The following LIG1 variants were observed in gnomAD, a reference collection of about 807,000 sequenced individuals.
The protein encoded by LIG1 is DNA ligase 1, also known as ligase I, DNA, ATP-dependent.
In LIG1, 70 loss-of-function variants were observed where a neutral mutation model predicts 115.7. The observed-to-expected ratio is 0.60, with a 90% CI of 0.50 to 0.74. The LOEUF (loss-of-function observed/expected upper bound fraction) is 0.74, where lower values mean the gene tolerates loss of function less well. Ranked by LOEUF, LIG1 falls within the 30% of genes least tolerant of loss-of-function variation. The pLI is 0.00. For missense variants in LIG1, 1,115 were observed against 1,225.6 expected (o/e 0.91, Z 1.35); for synonymous variants, 487 against 495.3 (o/e 0.98, Z 0.22).
Position 48,122,245 on chromosome 19 carries a change from A to G in LIG1, c.2232+689T>C, listed in dbSNP as rs1313993173. On this transcript the variant is annotated intron_variant, in intron 23 of 27. Transcript: ENST00000263274. This position sits in a 1 kb window ranked among gnomAD's most constrained non-coding sequence, Gnocchi z 4.3. Reference sequence around the variant, plus strand: ...CTGGCCCTCAACACACCCGTCCTCCACTCGAGGGGAAACCCCAGGAGCTTC... The same window carrying G: ...CTGGCCCTCAACACACCCGTCCTCCGCTCGAGGGGAAACCCCAGGAGCTTC... 6.5e-6 allele frequency: 1 copy of G among 155,018 alleles called. No individual in the cohort carries two copies. The highest frequency in any genetic ancestry group is 2.4e-5 in the African/African-American group (1 of 41,306). The allele number at this position is 155,018 out of a possible 1,614,324, so 9.6% of individuals were successfully genotyped here.
At chr19:48,168,650 G>A (rs1180623756) in intron 1 of LIG1, among the ~76,000 whole-genome samples, 1 of 152,114 alleles carries the variant, frequency 6.6e-6, no homozygotes, top group East Asian at 1.9e-4. Context: ...TCTACCCTTA[G>A]GGAACTGGTT....
At chr19:48,129,909 C>G (rs1467469780) in intron 19 of LIG1, among the ~76,000 whole-genome samples, 2 of 152,146 alleles carry the variant, frequency 1.3e-5, no homozygotes, top group East Asian at 3.9e-4. Context: ...GTGCGTGCCA[C>G]CACACCCAGC....
chr19:48,166,962 A>G (rs2036515864), intron 1 of LIG1, among the ~76,000 whole-genome samples: 1 of 142,476 alleles, frequency 7.0e-6, no homozygotes, highest in Admixed American at 7.0e-5. Flanking sequence ...TCTGTCTCAA[A>G]AAAAAAAAAA....
At chr19:48,162,380 A>C (rs969742602) in intron 2 of LIG1, 29 bp from the exon 3 acceptor site, 15 of 1,542,018 alleles carry the variant, frequency 9.7e-6, no homozygotes, top group Non-Finnish European at 1.3e-5. Context: ...GGGTAAAAAA[A>C]GGAGAATAAC....
chr19:48,128,560 CCTCT>C (rs1308511060), intron 19 of LIG1, among the ~76,000 whole-genome samples: 4 of 152,236 alleles, frequency 2.6e-5, no homozygotes, highest in African/African-American at 9.6e-5. Flanking sequence ...AGCACGTGAG[CCTCT>C]CTGTTTCTCA....
intron 3 of LIG1, among the ~76,000 whole-genome samples, chr19:48,161,826 CTTT>C (rs34448490): frequency 8.1e-6 from 1 of 123,462 alleles, no homozygotes; most frequent in Non-Finnish European, 1.6e-5. Flanking sequence ...ATTGGGATGC[CTTT>C]TTTTTTTTTT....
intron 24 of LIG1, 173 bp downstream of exon 24, chr19:48,120,997 T>TAA (rs1410495862): frequency 4.6e-5 from 69 of 1,489,720 alleles, no homozygotes; most frequent in Non-Finnish European, 6.0e-5. Flanking sequence ...TGTTTTTCTA[T>TAA]ATGAAGCAAG....
At position 48,122,924 on chromosome 19, in the gene LIG1, C is replaced by G. The variant is rs3731011; in HGVS notation, c.2232+10G>C. On this transcript the variant is annotated intron_variant, in intron 23 of 27. Transcript: ENST00000263274. The surrounding 1 kb of genome is among the most constrained non-coding windows in gnomAD (Gnocchi z 4.3). ...GGGTGGAGAAGGCCCAGTTGGGGGTCGAGAATCACCTTGAGCCAGTTGTGC... is the reference window on the plus strand; with the variant it reads ...GGGTGGAGAAGGCCCAGTTGGGGGTGGAGAATCACCTTGAGCCAGTTGTGC... 6.2e-7 allele frequency: 1 copy of G among 1,612,410 alleles called. No individual in the cohort carries two copies.
Position 48,128,010 on chromosome 19 carries a change from G to T in LIG1, c.1832C>A (p.Pro611Gln). ...GTCCAGGATGAAGGATGTGACCGAT[G>T]GGAGTTTAATCTGAAAAGTGAAGGG... ...IISRIPKIKL[P>Q]SVTSFILDTE... The change falls in exon 20 of 28, where the codon CCA becomes CAA. Residue 611 changes from proline to glutamine, a missense_variant. Coordinates refer to ENST00000263274, the MANE Select transcript of LIG1 (RefSeq NM_000234.3). 1 of 1,613,960 alleles carries T rather than the reference G, an allele frequency of 6.2e-7. No individual in the cohort carries two copies. The highest frequency in any genetic ancestry group is 2.2e-5 in the East Asian group (1 of 44,884).
intron 16 of LIG1, among the ~76,000 whole-genome samples, chr19:48,134,469 C>G (rs2034249525): frequency 6.6e-6 from 1 of 152,188 alleles, no homozygotes; most frequent in African/African-American, 2.4e-5. Context: ...ACCAGCCTAG[C>G]CAACATGGTG....
intron 2 of LIG1, among the ~76,000 whole-genome samples, chr19:48,163,148 C>T (rs527934094): frequency 1.3e-5 from 2 of 151,824 alleles, no homozygotes; most frequent in African/African-American, 2.4e-5. Context: ...AAACTCCTGA[C>T]CTTAGGTGAT....
Position 48,137,030 on chromosome 19 carries a change from A to T in LIG1, c.1309T>A (p.Ser437Thr). ...TACCTAGCGATGAACCGGGCTTCTG[A>T]GTGGCGGCAGGCCACAAAGAGGCCT... is the stretch of plus-strand genomic sequence containing the variant. ...IKGLFVACRHSEARFIARSLS... is the reference protein window; with the variant it reads ...IKGLFVACRHTEARFIARSLS... The change falls in exon 14 of 28, where the codon TCA (serine) becomes ACA (threonine). Residue 437 changes from serine to threonine, a missense_variant. Ser to Thr is a moderately conservative substitution (Grantham distance 58). Transcript: ENST00000263274. The surrounding 1 kb of genome is among the most constrained non-coding windows in gnomAD (Gnocchi z 4.3). 6.2e-7 allele frequency: 1 copy of T among 1,612,106 alleles called. No individual in the cohort carries two copies. Among genetic ancestry groups the T allele is most frequent in the East Asian group, 2.2e-5 (1 of 44,834 alleles).
intron 21 of LIG1, 195 bp from the exon 22 acceptor site, chr19:48,123,513 G>A (rs1280669091): frequency 4.7e-6 from 3 of 642,748 alleles, no homozygotes; most frequent in South Asian, 1.9e-5. Flanking sequence ...CTGGCAAGAG[G>A]GCCCGACACC....
Position 48,115,481 on chromosome 19 carries a change from G to A in LIG1, c.*168C>T. The A allele has an allele frequency of 1.6e-6, 1 of 641,370 alleles. No individual in the cohort carries two copies. Among genetic ancestry groups the A allele is most frequent in the Non-Finnish European group, 2.8e-6 (1 of 354,558 alleles). The allele number at this position is 641,370 out of a possible 1,614,324, so 39.7% of individuals were successfully genotyped here. A position where few individuals can be genotyped will look rare whatever the true frequency, so the allele number is the denominator to read the frequency against. ...TAATTATTTATTGAAAGAAATGACG[G>A]GATGAATCCCAGACTCCGGAGTAAG... On this transcript the variant is annotated 3_prime_UTR_variant, in exon 28 of 28. Coordinates refer to ENST00000263274, the MANE Select transcript of LIG1 (RefSeq NM_000234.3).
chr19:48,143,962 G>A lies in LIG1; in HGVS notation c.778C>T (p.Pro260Ser), dbSNP rs759755473. 5.3e-5 allele frequency: 86 copies of A among 1,612,728 alleles called. No individual in the cohort carries two copies. The East Asian group carries it at 8.9e-4, about 17-fold the overall frequency. Reference protein sequence around the residue: ...APGKEGAAEGPLDPSGYNPAK... With the variant: ...APGKEGAAEGSLDPSGYNPAK... ...GGATTGTAACCAGATGGATCCAGGG[G>A]TCTACGGAGGCAAAACGGAGATTGA... Residue 260 changes from proline (P) to serine (S), a missense_variant and splice_region_variant, in exon 10 of 28, where the codon CCC (proline) becomes TCC (serine). Coordinates refer to ENST00000263274, the MANE Select transcript of LIG1 (RefSeq NM_000234.3).
At position 48,115,629 on chromosome 19, in the gene LIG1, G is replaced by A. The variant is rs376380542; in HGVS notation, c.*20C>T. On this transcript the variant is annotated 3_prime_UTR_variant, in exon 28 of 28. Transcript: ENST00000263274. Reference sequence around the variant, plus strand: ...CCGTCCAACTCATGCCCTGTACCCAGGCCCTAGGAGGGCGAGGGCTTAGTA... The same window carrying A: ...CCGTCCAACTCATGCCCTGTACCCAAGCCCTAGGAGGGCGAGGGCTTAGTA... The A allele has an allele frequency of 3.2e-6, 5 of 1,562,276 alleles. No individual in the cohort carries two copies. The African/African-American group carries it at 6.8e-5, about 21-fold the overall frequency.
In LIG1 at chr19:48,121,160, TC is replaced by T. The variant is rs1362497100; in HGVS notation, c.2385+9del. On this transcript the variant is annotated intron_variant, in intron 24 of 27. Transcript: ENST00000263274. ...TCCTGCTTCTGCCATCAGCCCCAGT[TC>T]CCCAGGACCTTGCATATGGCCTGCA... 7.4e-6 allele frequency: 12 copies of T among 1,613,908 alleles called. No individual in the cohort carries two copies. The highest frequency in any genetic ancestry group is 1.0e-5 in the Non-Finnish European group (12 of 1,179,994).
chr19:48,140,038 T>G lies in LIG1; in HGVS notation c.1020A>C (p.Pro340=). ...CGCCAAGCTCCAGGCCCTGCTGGGG[T>G]GGCCCAAGGTGGTTGAGGCTGAGGT... The part of the protein sequence containing the change: ...VLYLSLNHLG[P]PQQGLELGVG... Residue 340 remains proline, a synonymous_variant, in exon 12 of 28, where the codon CCA becomes CCC. Coordinates refer to ENST00000263274, the MANE Select transcript of LIG1 (RefSeq NM_000234.3). 1 of 1,614,010 alleles carries G rather than the reference T, an allele frequency of 6.2e-7. No individual in the cohort carries two copies.
chr19:48,159,308 G>C (rs1368218046), intron 4 of LIG1, among the ~76,000 whole-genome samples: 3 of 152,190 alleles, frequency 2.0e-5, no homozygotes, highest in African/African-American at 7.2e-5. Context: ...CTGACCTCGT[G>C]ATCCACCCGC....
Sources: gnomAD v4.1 joint callset for allele counts (sites outside exome capture counted in the v4.1 genomes callset) on GRCh38, gnomAD v4.1.1 for gene constraint, Gnocchi (gnomAD v3.1) non-coding constraint, MANE v1.5 for transcripts, NCBI Gene and HGNC (gene_info 2026-07-23, HGNC 2026-07-21) for gene names.